GRB10: variants seen among roughly 807,000 people sequenced by gnomAD.
The protein encoded by GRB10 is growth factor receptor bound protein 10.
GRB10 carries 20 observed loss-of-function variants against 80.9 expected under a neutral mutation model. The observed-to-expected ratio is 0.25, with a 90% CI of 0.17 to 0.36. The LOEUF (loss-of-function observed/expected upper bound fraction) is 0.36, where lower values mean the gene tolerates loss of function less well. Among genes scored for constraint, GRB10 ranks in the 10% least tolerant of loss-of-function variants. GRB10 has a pLI of 1.00. For missense variants in GRB10, 548 were observed against 747.7 expected (o/e 0.73, Z 3.12); for synonymous variants, 291 against 291.5 (o/e 1.00, Z 0.02).
intron 4 of GRB10, among the ~76,000 whole-genome samples, chr7:50,705,919 T>C (rs971356601): frequency 2.0e-5 from 3 of 152,192 alleles, no homozygotes; most frequent in Non-Finnish European, 4.4e-5. Context: ...TGTGCTCCCC[T>C]GGCTATCTGA....
chr7:50,610,686 T>G (rs1022581293), intron 13 of GRB10, among the ~76,000 whole-genome samples: 3 of 152,172 alleles, frequency 2.0e-5, no homozygotes, highest in African/African-American at 7.2e-5. Flanking sequence ...AGGATGATAA[T>G]ATGCATGTCA....
chr7:50,695,273 A>G (rs1338110339), intron 5 of GRB10, among the ~76,000 whole-genome samples: 4 of 152,174 alleles, frequency 2.6e-5, no homozygotes, highest in African/African-American at 9.7e-5. Context: ...CTCCAGACTG[A>G]TGTATCAACA....
At chr7:50,747,180 C>A (rs925029540) in intron 3 of GRB10, among the ~76,000 whole-genome samples, 1 of 152,150 alleles carries the variant, frequency 6.6e-6, no homozygotes, top group Non-Finnish European at 1.5e-5. Flanking sequence ...ATGGTCGCTG[C>A]TGGTGGGCAC....
chr7:50,650,627 T>C (rs1033712408), intron 7 of GRB10, among the ~76,000 whole-genome samples: 2 of 152,182 alleles, frequency 1.3e-5, no homozygotes, highest in Non-Finnish European at 2.9e-5. Context: ...GATGTAAGGA[T>C]GTGTTCCCCT....
At chr7:50,789,151 T>A (rs1198058669) in intron 1 of GRB10, among the ~76,000 whole-genome samples, 1 of 152,252 alleles carries the variant, frequency 6.6e-6, no homozygotes, top group East Asian at 1.9e-4. Flanking sequence ...GAGCACTGAC[T>A]GTGGCTCAAA....
At chr7:50,613,155 T>C (rs575799400) in intron 12 of GRB10, among the ~76,000 whole-genome samples, 11 of 152,022 alleles carry the variant, frequency 7.2e-5, no homozygotes, top group Middle Eastern at 3.4e-3. Context: ...GTAAGCACAA[T>C]AGGACAAAGA....
intron 3 of GRB10, among the ~76,000 whole-genome samples, chr7:50,737,754 C>A (rs752546648): frequency 2.0e-5 from 3 of 152,202 alleles, no homozygotes; most frequent in Non-Finnish European, 4.4e-5. Flanking sequence ...GAGGCTGAAG[C>A]AGGAGAATTG....
rs373747219 is a variant in GRB10 at position 50,604,297 on chromosome 7, T to C, written c.1456+14A>G. 4 of 1,601,268 alleles carry C rather than the reference T, an allele frequency of 2.5e-6. No homozygotes were observed. The African/African-American group carries it at 4.0e-5, about 16-fold the overall frequency. On this transcript the variant is annotated intron_variant, in intron 16 of 18. Transcript: ENST00000401949. ...CTTTATGTACAAAAACATCAGGCAA[T>C]GTGCCCTGTTTACCTGTACTTAGGG...
intron 4 of GRB10, among the ~76,000 whole-genome samples, chr7:50,723,734 G>A (rs192758946): frequency 7.2e-5 from 11 of 152,306 alleles, no homozygotes; most frequent in Admixed American, 5.2e-4. Context: ...CGCCTGAAGC[G>A]GTACTGGGAT....
At chr7:50,608,341 T>C (rs2048901560) in intron 13 of GRB10, among the ~76,000 whole-genome samples, 1 of 152,192 alleles carries the variant, frequency 6.6e-6, no homozygotes, top group South Asian at 2.1e-4. Context: ...GAATAACCGC[T>C]AACCTTGCAT....
At chr7:50,763,456 T>C (rs148539436) in intron 2 of GRB10, among the ~76,000 whole-genome samples, 2 of 151,792 alleles carry the variant, frequency 1.3e-5, no homozygotes, top group African/African-American at 4.8e-5. Flanking sequence ...CCCGCTGGAG[T>C]GGGGGCAGCA....
rs569233235 is a variant in GRB10, at chr7:50,637,002, G to A, written c.505-10024C>T. On this transcript the variant is annotated intron_variant, in intron 7 of 18. Coordinates refer to ENST00000401949, the MANE Select transcript of GRB10 (RefSeq NM_001350814.2). ...TTTGTTTTGTTTTTGTTTTTTGGTA[G>A]GGTCTGGCTCTGTCACTTTGCTGGA... Among the ~76,000 whole-genome samples, 72 of 152,226 alleles carry A rather than the reference G, an allele frequency of 4.7e-4. No homozygotes were observed. The South Asian group carries it at 6.2e-3, about 13-fold the overall frequency.
At chr7:50,612,394 G>A (rs576416618) in intron 13 of GRB10, among the ~76,000 whole-genome samples, 135 of 152,208 alleles carry the variant, frequency 8.9e-4, no homozygotes, top group African/African-American at 3.0e-3. Context: ...TCAACTGGCC[G>A]GGCGTGCGAC....
chr7:50,715,976 G>A (rs920670184), intron 4 of GRB10, among the ~76,000 whole-genome samples: 4 of 152,212 alleles, frequency 2.6e-5, no homozygotes, highest in Admixed American at 2.0e-4. Flanking sequence ...TCCCTTCCAG[G>A]CAGAGCCTAG....
At chr7:50,705,188 A>G (rs902109855) in intron 4 of GRB10, 26 of 985,712 alleles carry the variant, frequency 2.6e-5, no homozygotes, top group Non-Finnish European at 3.1e-5. Context: ...TTCACGGACC[A>G]CTCACAATGG....
At chr7:50,759,034 C>A (rs2075426008) in intron 2 of GRB10, among the ~76,000 whole-genome samples, 1 of 151,810 alleles carries the variant, frequency 6.6e-6, no homozygotes, top group South Asian at 2.1e-4. Context: ...TAAAAATCTT[C>A]TTTTAAAAAT....
At chr7:50,670,275 G>C (rs1364491101) in intron 6 of GRB10, among the ~76,000 whole-genome samples, 3 of 152,058 alleles carry the variant, frequency 2.0e-5, no homozygotes, top group Admixed American at 2.0e-4. Context: ...GGGGACTAAG[G>C]GGAGGGCAAT....
At chr7:50,684,056 A>C (rs1217558466) in intron 5 of GRB10, among the ~76,000 whole-genome samples, 1 of 152,168 alleles carries the variant, frequency 6.6e-6, no homozygotes, top group East Asian at 1.9e-4. Flanking sequence ...GTTTATCTTT[A>C]ATGACACATG....
chr7:50,605,157 C>A, intron 15 of GRB10, 133 bp downstream of exon 15: 1 of 583,756 alleles, frequency 1.7e-6, no homozygotes, highest in Admixed American at 3.0e-5. Context: ...CTTCCTGCAG[C>A]TGAGAACTCA....
Sources: allele counts gnomAD v4.1 joint callset (sites outside exome capture counted in the v4.1 genomes callset), GRCh38; gene constraint gnomAD v4.1.1; transcripts MANE v1.5; gene names NCBI Gene and HGNC (gene_info 2026-07-23, HGNC 2026-07-21).